ADAMTSL1: variants seen among roughly 807,000 people sequenced by gnomAD.
ADAMTSL1 encodes ADAMTS like 1, also known as ADAMTS-like protein 1.
In ADAMTSL1, 126 loss-of-function variants were observed where a neutral mutation model predicts 201.8. The observed-to-expected ratio is 0.62, with a 90% CI of 0.54 to 0.72. ADAMTSL1 has a LOEUF of 0.72. ADAMTSL1 is among the 30% of genes least tolerant of loss of function. The probability of loss-of-function intolerance (pLI) is 0.00; values close to 1 mark genes in which losing one functional copy is unlikely to be tolerated. For missense variants in ADAMTSL1, 2,679 were observed against 2,277.8 expected (o/e 1.18, Z -3.59); for synonymous variants, 1,121 against 903.4 (o/e 1.24, Z -4.32).
chr9:18,849,196 A>T lies in ADAMTSL1; in HGVS notation c.4249+19219A>T, dbSNP rs1826325264. ...GCATAAGTATTTTTAAGTGATTTAA[A>T]ACAGGACTAGGTGGCAGGGCCTTGA... On this transcript the variant is annotated intron_variant, in intron 23 of 28. Transcript: ENST00000380548. Among the ~76,000 whole-genome samples, 5 of 151,856 alleles carry T rather than the reference A, an allele frequency of 3.3e-5. No homozygotes were observed. In the South Asian group the frequency reaches 1.0e-3, roughly 31 times the overall value.
chr9:18,815,843 G>T (rs911322165), intron 20 of ADAMTSL1, among the ~76,000 whole-genome samples: 24 of 151,576 alleles, frequency 1.6e-4, no homozygotes, highest in African/African-American at 5.8e-4. Flanking sequence ...TTCTTTTTAT[G>T]GATCATGCTT....
At chr9:18,711,982 G>A (rs1211638117) in intron 14 of ADAMTSL1, among the ~76,000 whole-genome samples, 3 of 152,116 alleles carry the variant, frequency 2.0e-5, no homozygotes, top group Non-Finnish European at 4.4e-5. Context: ...CCCCAGCAGG[G>A]GCAGACTGAC....
chr9:18,009,593 T>A (rs951579724), intron 1 of ADAMTSL1, among the ~76,000 whole-genome samples: 1 of 152,032 alleles, frequency 6.6e-6, no homozygotes, highest in African/African-American at 2.4e-5. Context: ...TCTCTGGTTT[T>A]CAGACTTGTT....
At chr9:18,208,456 C>G (rs944018653) in intron 2 of ADAMTSL1, among the ~76,000 whole-genome samples, 1 of 152,088 alleles carries the variant, frequency 6.6e-6, no homozygotes, top group Admixed American at 6.6e-5. Flanking sequence ...TACACGGCAA[C>G]CAATGAGTGT....
chr9:18,203,733 G>A (rs892648544), intron 2 of ADAMTSL1, among the ~76,000 whole-genome samples: 1 of 152,156 alleles, frequency 6.6e-6, no homozygotes, highest in Non-Finnish European at 1.5e-5. Context: ...GGAAAGGTAA[G>A]ACTGGAGGGA....
At chr9:18,179,967 C>G (rs978756599) in intron 2 of ADAMTSL1, among the ~76,000 whole-genome samples, 3 of 151,878 alleles carry the variant, frequency 2.0e-5, no homozygotes, top group African/African-American at 4.8e-5. Flanking sequence ...ACTGCATCAA[C>G]TAACAAGCAA....
intron 16 of ADAMTSL1, among the ~76,000 whole-genome samples, chr9:18,754,092 G>A (rs763616510): frequency 9.2e-5 from 14 of 152,144 alleles, no homozygotes; most frequent in African/African-American, 1.4e-4. Flanking sequence ...TCTTGCGTGT[G>A]TAAATAAAGT....
chr9:18,268,601 T>C (rs953576145), intron 2 of ADAMTSL1, among the ~76,000 whole-genome samples: 1 of 152,176 alleles, frequency 6.6e-6, no homozygotes. Context: ...ATGTTCTTCC[T>C]TTCTTCCAGG....
At chr9:18,026,909 G>T (rs1820720700) in intron 1 of ADAMTSL1, among the ~76,000 whole-genome samples, 1 of 151,804 alleles carries the variant, frequency 6.6e-6, no homozygotes. Flanking sequence ...TCTGCTCAGG[G>T]TTTCACCTTC....
chr9:18,590,766 G>C (rs1023936332), intron 4 of ADAMTSL1, among the ~76,000 whole-genome samples: 1 of 151,772 alleles, frequency 6.6e-6, no homozygotes, highest in African/African-American at 2.4e-5. Flanking sequence ...TTTATGTATT[G>C]ACTCAGTAAG....
At chr9:18,843,307 T>G (rs1373736818) in intron 23 of ADAMTSL1, among the ~76,000 whole-genome samples, 1 of 150,798 alleles carries the variant, frequency 6.6e-6, no homozygotes, top group Non-Finnish European at 1.5e-5. Flanking sequence ...TTAGTTTGCC[T>G]GGATATAAAA....
intron 3 of ADAMTSL1, among the ~76,000 whole-genome samples, chr9:18,567,236 A>G (rs1821964668): frequency 6.6e-6 from 1 of 152,126 alleles, no homozygotes; most frequent in African/African-American, 2.4e-5. Flanking sequence ...AGGCTGAGGC[A>G]GGTGGATCTC....
chr9:18,736,442 G>C (rs535094896), intron 15 of ADAMTSL1, among the ~76,000 whole-genome samples: 1 of 152,316 alleles, frequency 6.6e-6, no homozygotes, highest in South Asian at 2.1e-4. Context: ...GATAGTGTCA[G>C]GCACTTTATC....
intron 2 of ADAMTSL1, among the ~76,000 whole-genome samples, chr9:18,291,154 A>T (rs61520014): frequency 0.46 from 70,355 of 151,650 alleles, 17,312 homozygotes; most frequent in South Asian, 0.68. Context: ...ATATGTAGGT[A>T]AGCTGAGGAA....
intron 20 of ADAMTSL1, among the ~76,000 whole-genome samples, chr9:18,798,570 C>G (rs1054905521): frequency 3.3e-5 from 5 of 152,178 alleles, no homozygotes; most frequent in African/African-American, 1.2e-4. Flanking sequence ...AGGATGCTCA[C>G]AAACCCTTTG....
intron 2 of ADAMTSL1, among the ~76,000 whole-genome samples, chr9:18,365,852 G>C (rs1836744593): frequency 6.6e-6 from 1 of 152,212 alleles, no homozygotes; most frequent in East Asian, 1.9e-4. Context: ...TGTCAGATCA[G>C]CAGTGGCATC....
rs141203629 is a variant in ADAMTSL1 at position 18,010,973 on chromosome 9, A to G, written c.87+104051A>G. Among the ~76,000 whole-genome samples the G allele has an allele frequency of 1.3e-3, 197 of 152,116 alleles. 1 individual carries two copies. Among genetic ancestry groups the G allele is most frequent in the African/African-American group, 4.5e-3 (187 of 41,558 alleles). On this transcript the variant is annotated intron_variant, in intron 1 of 29. Coordinates refer to the ADAMTSL1 transcript ENST00000680146. ...TATGATTTTATGAGTATTAAATTCT[A>G]TAATTTCATTAGGCAATCAGTTTCT...
intron 2 of ADAMTSL1, among the ~76,000 whole-genome samples, chr9:18,437,196 C>T (rs1480375623): frequency 6.6e-6 from 1 of 152,120 alleles, no homozygotes; most frequent in Non-Finnish European, 1.5e-5. Context: ...CACTGCTTAT[C>T]TTCATTTCCC....
At chr9:18,097,301 A>G (rs572573015) in intron 1 of ADAMTSL1, among the ~76,000 whole-genome samples, 65 of 152,344 alleles carry the variant, frequency 4.3e-4, no homozygotes, top group African/African-American at 1.3e-3. Flanking sequence ...TTGTTGATCC[A>G]TTCATCTTTT....
Sources: gnomAD v4.1 joint callset for allele counts (sites outside exome capture counted in the v4.1 genomes callset) on GRCh38, gnomAD v4.1.1 for gene constraint, MANE v1.5 for transcripts, NCBI Gene and HGNC (gene_info 2026-07-23, HGNC 2026-07-21) for gene names.